The following SCTR variants were observed in gnomAD, a reference collection of about 807,000 sequenced individuals.
SCTR encodes the protein secretin receptor.
In SCTR, 56 loss-of-function variants were observed where a neutral mutation model predicts 60.8. That is an observed-to-expected ratio of 0.92 (90% CI 0.74 to 1.15). SCTR has a LOEUF of 1.15. SCTR is among the 50% of genes most tolerant of loss of function. The pLI, the probability that SCTR is intolerant of heterozygous loss-of-function variation, is 0.00. For missense variants in SCTR, 562 were observed against 550.4 expected, an observed-to-expected ratio of 1.02 and a Z score of -0.21; for synonymous variants, 202 against 217.0, an observed-to-expected ratio of 0.93 and a Z score of 0.61.
At chr2:119,486,411 C>T (rs971141832) in intron 2 of SCTR, 1 of 152,240 alleles carries the variant, frequency 6.6e-6, no homozygotes, top group African/African-American at 2.4e-5. Context: ...CTTCGCCTTC[C>T]AGAGACTGCA....
intron 1 of SCTR, among the ~76,000 whole-genome samples, chr2:119,510,798 T>C (rs1256322956): frequency 6.6e-6 from 1 of 151,652 alleles, no homozygotes; most frequent in Non-Finnish European, 1.5e-5. Flanking sequence ...TACCAAAGAG[T>C]ATAATGACAA....
chr2:119,514,433 C>T (rs531457380), intron 1 of SCTR, among the ~76,000 whole-genome samples: 2 of 152,228 alleles, frequency 1.3e-5, no homozygotes, highest in South Asian at 4.2e-4. Flanking sequence ...ACAGAAAAAT[C>T]CAGTCTGCAG....
At chr2:119,484,752 T>G (rs945327750) in intron 2 of SCTR, 1 of 152,222 alleles carries the variant, frequency 6.6e-6, no homozygotes, top group Admixed American at 6.5e-5. Flanking sequence ...GAAAACTTCC[T>G]GGCTTAGGTT....
Position 119,448,740 on chromosome 2 carries a change from A to G in SCTR, c.962T>C (p.Met321Thr), listed in dbSNP as rs1172706507. 6.2e-7 allele frequency: 1 copy of G among 1,604,336 alleles called. No individual in the cohort carries two copies. The highest frequency in any genetic ancestry group is 1.1e-5 in the South Asian group (1 of 90,902). The change falls in exon 10 of 13, where the codon ATG becomes ACG. Residue 321 changes from methionine to threonine, a missense_variant. Met to Thr is a moderately conservative substitution (Grantham distance 81). Transcript: ENST00000019103. ...ILFINILRIL[M>T]RKLRTQETRG... ...TGTTTCTTGGGTTCTAAGTTTTCTC[A>G]TCAGGATTCTTAGAATGTTTATGAA...
intron 1 of SCTR, among the ~76,000 whole-genome samples, chr2:119,523,682 C>T (rs1347931264): frequency 6.6e-6 from 1 of 152,082 alleles, no homozygotes; most frequent in Admixed American, 6.5e-5. Context: ...GGTTCCAATC[C>T]TCTTTTTCTG....
intron 2 of SCTR, among the ~76,000 whole-genome samples, chr2:119,493,641 C>CTTTTT (rs35864019): frequency 3.7e-5 from 5 of 133,406 alleles, no homozygotes; most frequent in Admixed American, 1.5e-4. Flanking sequence ...CATTCTTCTT[C>CTTTTT]TTTTTTTTTT....
chr2:119,469,703 G>A (rs941144460), intron 4 of SCTR, among the ~76,000 whole-genome samples: 6 of 152,128 alleles, frequency 3.9e-5, no homozygotes, highest in African/African-American at 1.4e-4. Context: ...ATGTGGCCCA[G>A]ACTGGTCTTG....
Position 119,474,322 on chromosome 2 carries a change from C to T in SCTR, c.302-766G>A, listed in dbSNP as rs190089185. 9.1e-3 allele frequency among the ~76,000 whole-genome samples: 1,384 copies of T among 152,324 alleles called. 18 individuals are homozygous for T. Among genetic ancestry groups the T allele is most frequent in the African/African-American group, 0.031 (1,287 of 41,580 alleles). ...TAAAGAGCCTGCCCTGAACTCTTCT[C>T]ATAGGGAAGAGGAGAGCACTTCCCC... On this transcript the variant is annotated intron_variant, in intron 3 of 12. Coordinates refer to ENST00000019103, the MANE Select transcript of SCTR (RefSeq NM_002980.3).
At chr2:119,454,779 G>A (rs1239695860) in intron 7 of SCTR, among the ~76,000 whole-genome samples, 2 of 152,114 alleles carry the variant, frequency 1.3e-5, no homozygotes, top group Non-Finnish European at 2.9e-5. Context: ...GCTTGAACCC[G>A]GGAGGCGGAG....
Position 119,517,835 on chromosome 2 carries a change from G to T in SCTR, c.72+6320C>A, listed in dbSNP as rs139548934. Reference sequence around the variant, plus strand: ...TGGGGAACAGCCTCTCTTCCACTTGGATGCTGTTATGGACTGAATGTGTCT... The same window carrying T: ...TGGGGAACAGCCTCTCTTCCACTTGTATGCTGTTATGGACTGAATGTGTCT... On this transcript the variant is annotated intron_variant, in intron 1 of 12. Coordinates refer to ENST00000019103, the MANE Select transcript of SCTR (RefSeq NM_002980.3). 3.2e-4 allele frequency among the ~76,000 whole-genome samples: 48 copies of T among 152,266 alleles called. No individual in the cohort carries two copies. In the East Asian group the frequency reaches 8.9e-3, roughly 28 times the overall value.
chr2:119,519,428 C>T (rs1679216998), intron 1 of SCTR, among the ~76,000 whole-genome samples: 1 of 152,064 alleles, frequency 6.6e-6, no homozygotes, highest in Non-Finnish European at 1.5e-5. Context: ...AAAATTAATG[C>T]TATTTTGAAG....
At chr2:119,481,750 G>A (rs1468603006) in intron 2 of SCTR, among the ~76,000 whole-genome samples, 2 of 152,244 alleles carry the variant, frequency 1.3e-5, no homozygotes. Flanking sequence ...GCCAGGCATA[G>A]CACAAGTGCT....
intron 1 of SCTR, chr2:119,495,488 A>G (rs1678310341): frequency 6.6e-6 from 1 of 152,174 alleles, no homozygotes; most frequent in Admixed American, 6.5e-5. Context: ...TTCTTGCTGA[A>G]GCCCATAGTC....
intron 2 of SCTR, among the ~76,000 whole-genome samples, chr2:119,482,708 C>T (rs866145087): frequency 2.6e-5 from 4 of 152,178 alleles, no homozygotes; most frequent in African/African-American, 4.8e-5. Context: ...AGCAGGGTCT[C>T]GGGAACTCAG....
At chr2:119,513,726 A>G (rs992171255) in intron 1 of SCTR, among the ~76,000 whole-genome samples, 1 of 152,126 alleles carries the variant, frequency 6.6e-6, no homozygotes, top group Non-Finnish European at 1.5e-5. Context: ...TTAATTACAC[A>G]TCAGAGCTGT....
Position 119,461,927 on chromosome 2 carries a change from C to A in SCTR, c.710G>T (p.Gly237Val), listed in dbSNP as rs373541885. ...GGCGAGGAGTGTGTGAAGGTAGAGG[C>A]CTTCCACCAGCAGCCAGGAGTAGTT... ...MANYSWLLVEGLYLHTLLAIS... is the reference protein window; with the variant it reads ...MANYSWLLVEVLYLHTLLAIS... The change falls in exon 7 of 13, where the codon GGC becomes GTC. Residue 237 changes from glycine (G) to valine (V), a missense_variant. Physicochemically the swap from Gly to Val is moderately radical, Grantham distance 109 (BLOSUM62 -3). Transcript: ENST00000019103. The A allele has an allele frequency of 5.0e-6, 8 of 1,613,930 alleles. No individual in the cohort carries two copies. The highest frequency in any genetic ancestry group is 5.1e-6 in the Non-Finnish European group (6 of 1,179,932).
chr2:119,487,299 T>A (rs1324917463), intron 2 of SCTR: 1 of 152,224 alleles, frequency 6.6e-6, no homozygotes, highest in Non-Finnish European at 1.5e-5. Flanking sequence ...AACAGTTAAT[T>A]TAACGCTATG....
chr2:119,451,699 G>T (rs936388607), intron 9 of SCTR, among the ~76,000 whole-genome samples: 3 of 152,202 alleles, frequency 2.0e-5, no homozygotes, highest in African/African-American at 7.2e-5. Context: ...CAGTGAAGGT[G>T]GAATTTCAGG....
At chr2:119,477,897 G>C (rs2104846319) in intron 3 of SCTR, among the ~76,000 whole-genome samples, 1 of 152,346 alleles carries the variant, frequency 6.6e-6, no homozygotes, top group African/African-American at 2.4e-5. Flanking sequence ...CCATAGTGTA[G>C]GGTGTTGAGT....
Sources: allele counts gnomAD v4.1 joint callset (sites outside exome capture counted in the v4.1 genomes callset), GRCh38; gene constraint gnomAD v4.1.1; transcripts MANE v1.5; gene names NCBI Gene and HGNC (gene_info 2026-07-23, HGNC 2026-07-21).